Variants in EPC2 observed in about 807,000 individuals in gnomAD.
EPC2 encodes the protein enhancer of polycomb homolog 2.
Under a neutral mutation model 92.1 loss-of-function variants are expected in EPC2, and 14 were observed. The ratio of observed to expected loss-of-function variants is 0.15; its 90% CI spans 0.10 to 0.24. The LOEUF is 0.24. Among genes scored for constraint, EPC2 ranks in the 10% least tolerant of loss-of-function variants. The probability of loss-of-function intolerance (pLI) is 1.00; values close to 1 mark genes in which losing one functional copy is unlikely to be tolerated. For missense variants in EPC2, 755 were observed against 971.5 expected (o/e 0.78, Z 2.96); for synonymous variants, 340 against 334.7 (o/e 1.02, Z -0.17).
At chr2:148,687,651 G>A (rs1681554250) in intron 1 of EPC2, among the ~76,000 whole-genome samples, 1 of 152,180 alleles carries the variant, frequency 6.6e-6, no homozygotes, top group Non-Finnish European at 1.5e-5. Flanking sequence ...ATTATTTGGG[G>A]AAAAGCAGGT....
At chr2:148,733,910 AT>A (rs1682698358) in intron 2 of EPC2, among the ~76,000 whole-genome samples, 1 of 152,236 alleles carries the variant, frequency 6.6e-6, no homozygotes, top group Non-Finnish European at 1.5e-5. Flanking sequence ...CTCACAGACC[AT>A]AGTTTGCCAT....
chr2:148,652,451 C>A (rs575066250), intron 1 of EPC2, among the ~76,000 whole-genome samples: 2 of 152,104 alleles, frequency 1.3e-5, no homozygotes, highest in African/African-American at 4.8e-5. Flanking sequence ...TAAAAAAAAG[C>A]AAACTCTTCA....
chr2:148,672,886 G>A (rs1171696658), intron 1 of EPC2, among the ~76,000 whole-genome samples: 1 of 152,124 alleles, frequency 6.6e-6, no homozygotes, highest in Non-Finnish European at 1.5e-5. Flanking sequence ...GGTCAGTAGC[G>A]ATGAACTCCC....
At chr2:148,757,099 G>A (rs958257852) in intron 4 of EPC2, among the ~76,000 whole-genome samples, 5 of 152,332 alleles carry the variant, frequency 3.3e-5, no homozygotes, top group Non-Finnish European at 5.9e-5. Flanking sequence ...AGTTAGGGCT[G>A]GGCGTGGTGG....
At chr2:148,645,896 C>G (rs1160659678) in intron 1 of EPC2, among the ~76,000 whole-genome samples, 1 of 152,244 alleles carries the variant, frequency 6.6e-6, no homozygotes, top group Non-Finnish European at 1.5e-5. Flanking sequence ...AGCGAGCCGC[C>G]GGCGTTGCGT....
intron 3 of EPC2, among the ~76,000 whole-genome samples, chr2:148,749,604 G>T (rs1683049091): frequency 6.6e-6 from 1 of 151,902 alleles, no homozygotes; most frequent in Non-Finnish European, 1.5e-5. Flanking sequence ...CGTGCACTAG[G>T]AACAAGTACA....
At chr2:148,745,772 G>A (rs1347060689) in intron 3 of EPC2, among the ~76,000 whole-genome samples, 1 of 152,028 alleles carries the variant, frequency 6.6e-6, no homozygotes, top group East Asian at 1.9e-4. Flanking sequence ...CCTTTATGGG[G>A]GCTGGCATAG....
chr2:148,771,081 G>C lies in EPC2; in HGVS notation c.1414G>C (p.Val472Leu). Residue 472 changes from valine to leucine, a missense_variant, in exon 10 of 14, where the codon GTC becomes CTC. Transcript: ENST00000258484. The part of the protein sequence containing the change: ...MDRISTEHDP[V>L]LKQIDPEMLN... ...CCGAATATCCACAGAACATGACCCA[G>C]TCCTGAAACAGATAGACCCTGAAAT... 1 of 1,612,236 alleles carries C rather than the reference G, an allele frequency of 6.2e-7. No individual in the cohort carries two copies.
chr2:148,763,455 G>A (rs1288892905), intron 6 of EPC2, among the ~76,000 whole-genome samples: 3 of 152,216 alleles, frequency 2.0e-5, no homozygotes, highest in East Asian at 1.9e-4. Flanking sequence ...TTAATTTTAA[G>A]GAGCATAGAT....
In EPC2 at chr2:148,764,993, T is replaced by C; in HGVS notation, c.987T>C (p.Asp329=). The change falls in exon 7 of 14, where the codon GAT becomes GAC. Residue 329 remains aspartate, a synonymous_variant. Coordinates refer to ENST00000258484, the MANE Select transcript of EPC2 (RefSeq NM_015630.4). ...TGTCTTTGAAAGAAGAGGCTTCTGA[T>C]GTGGTTCGTCAAAAGAAGAAGTACC... The part of the protein sequence containing the change: ...HHLSLKEEAS[D]VVRQKKKYPK... 4 of 1,601,442 alleles carry C rather than the reference T, an allele frequency of 2.5e-6. No individual in the cohort carries two copies. The highest frequency in any genetic ancestry group is 1.1e-5 in the South Asian group (1 of 88,298).
At chr2:148,763,367 A>G (rs1683338878) in intron 6 of EPC2, among the ~76,000 whole-genome samples, 1 of 152,178 alleles carries the variant, frequency 6.6e-6, no homozygotes, top group African/African-American at 2.4e-5. Flanking sequence ...CTTGGACTAG[A>G]TAACTATATT....
intron 1 of EPC2, among the ~76,000 whole-genome samples, chr2:148,646,637 C>A (rs1683807712): frequency 6.7e-6 from 1 of 148,180 alleles, no homozygotes; most frequent in African/African-American, 2.5e-5. Context: ...ACTCAGTTTT[C>A]CATGGGAAGG....
At chr2:148,767,394 A>G (rs1683430979) in intron 7 of EPC2, among the ~76,000 whole-genome samples, 1 of 152,108 alleles carries the variant, frequency 6.6e-6, no homozygotes, top group African/African-American at 2.4e-5. Context: ...TCCCATACCC[A>G]CATGAAAATT....
intron 3 of EPC2, among the ~76,000 whole-genome samples, chr2:148,748,414 A>G (rs1215633947): frequency 1.3e-5 from 2 of 151,980 alleles, no homozygotes; most frequent in African/African-American, 4.8e-5. Flanking sequence ...TATCATTTTC[A>G]TCTTCCTTCT....
chr2:148,764,867 A>G (rs915507786), intron 6 of EPC2, 88 bp from the exon 7 acceptor site: 103 of 996,770 alleles, frequency 1.0e-4, no homozygotes, highest in Non-Finnish European at 1.3e-4. Flanking sequence ...GTAAAAATGT[A>G]TGTTTTTCAA....
intron 2 of EPC2, among the ~76,000 whole-genome samples, chr2:148,717,033 G>T (rs1682274770): frequency 1.3e-5 from 2 of 152,142 alleles, no homozygotes; most frequent in Admixed American, 1.3e-4. Flanking sequence ...GCATAAAGGT[G>T]TTTATAGTAT....
chr2:148,664,039 G>C (rs1231807496), intron 1 of EPC2, among the ~76,000 whole-genome samples: 1 of 152,004 alleles, frequency 6.6e-6, no homozygotes, highest in Non-Finnish European at 1.5e-5. Context: ...GATCCTAAAG[G>C]ACTCTGAGTC....
chr2:148,778,535 G>GCC (rs199511814), intron 10 of EPC2, among the ~76,000 whole-genome samples: 4 of 95,248 alleles, frequency 4.2e-5, no homozygotes, highest in Middle Eastern at 5.3e-3. Flanking sequence ...ACCTGCCCCT[G>GCC]CCCCCCCGCC....
At chr2:148,699,096 G>T (rs565838873) in intron 2 of EPC2, among the ~76,000 whole-genome samples, 1 of 152,046 alleles carries the variant, frequency 6.6e-6, no homozygotes, top group Non-Finnish European at 1.5e-5. Flanking sequence ...TAGTAAACTA[G>T]TAATTTGAAT....
Sources: gnomAD v4.1 joint callset for allele counts (sites outside exome capture counted in the v4.1 genomes callset) on GRCh38, gnomAD v4.1.1 for gene constraint, MANE v1.5 for transcripts, NCBI Gene and HGNC (gene_info 2026-07-23, HGNC 2026-07-21) for gene names.